The following GALNT10 variants were observed in gnomAD, a reference collection of about 807,000 sequenced individuals.
GALNT10 encodes polypeptide N-acetylgalactosaminyltransferase 10.
Under a neutral mutation model 75.0 loss-of-function variants are expected in GALNT10, and 41 were observed. The ratio of observed to expected loss-of-function variants is 0.55; its 90% CI spans 0.43 to 0.71. GALNT10 has a LOEUF of 0.71. Among genes scored for constraint, GALNT10 ranks in the 30% least tolerant of loss-of-function variants. The pLI, the probability that GALNT10 is intolerant of heterozygous loss-of-function variation, is 0.00. For missense variants in GALNT10, 727 were observed against 818.5 expected (o/e 0.89, Z 1.36); for synonymous variants, 302 against 313.0 (o/e 0.96, Z 0.37).
chr5:154,259,477 C>G (rs1753665674), intron 1 of GALNT10, among the ~76,000 whole-genome samples: 1 of 152,140 alleles, frequency 6.6e-6, no homozygotes, highest in Admixed American at 6.6e-5. Flanking sequence ...TAATAGGTAT[C>G]TTTTTTGGAG....
intron 1 of GALNT10, among the ~76,000 whole-genome samples, chr5:154,265,240 G>T (rs556198891): frequency 4.3e-4 from 65 of 152,292 alleles, no homozygotes; most frequent in African/African-American, 1.5e-3. Context: ...GTGTCATGCA[G>T]TCTTGAAGGA....
chr5:154,200,559 A>G (rs1775011601), intron 1 of GALNT10, among the ~76,000 whole-genome samples: 1 of 150,348 alleles, frequency 6.7e-6, no homozygotes, highest in African/African-American at 2.4e-5. Context: ...AGCTGCTGAG[A>G]GTTAAAATGT....
intron 3 of GALNT10, among the ~76,000 whole-genome samples, chr5:154,313,774 A>G (rs11747558): frequency 0.29 from 43,418 of 151,872 alleles, 6,687 homozygotes; most frequent in African/African-American, 0.39. Flanking sequence ...CTGAGCCTTG[A>G]GCTGAGGAAA....
At chr5:154,287,264 G>C (rs944001359) in intron 1 of GALNT10, among the ~76,000 whole-genome samples, 4 of 152,200 alleles carry the variant, frequency 2.6e-5, no homozygotes, top group Admixed American at 2.6e-4. Flanking sequence ...TTCTGGTCCA[G>C]ACTTCCTTCC....
At chr5:154,309,188 G>T (rs765229513) in intron 3 of GALNT10, among the ~76,000 whole-genome samples, 5 of 152,180 alleles carry the variant, frequency 3.3e-5, no homozygotes, top group African/African-American at 4.8e-5. Context: ...AGTTGACCAG[G>T]GGAAGAGCAC....
At chr5:154,292,382 T>G (rs1018739526) in intron 1 of GALNT10, among the ~76,000 whole-genome samples, 1 of 152,202 alleles carries the variant, frequency 6.6e-6, no homozygotes, top group African/African-American at 2.4e-5. Context: ...GATACAACAC[T>G]TTGAACACCA....
intron 1 of GALNT10, chr5:154,287,655 T>G (rs1754131744): frequency 6.6e-6 from 1 of 152,254 alleles, no homozygotes; most frequent in African/African-American, 2.4e-5. Flanking sequence ...GTGGAGGCCA[T>G]GGACTACCTT....
At chr5:154,292,976 T>G (rs937205467) in intron 1 of GALNT10, among the ~76,000 whole-genome samples, 3 of 124,286 alleles carry the variant, frequency 2.4e-5, no homozygotes, top group Non-Finnish European at 5.3e-5. Flanking sequence ...GTTTTTGTAG[T>G]TTTTTTTTCC....
At chr5:154,301,420 T>G (rs1269962159) in intron 3 of GALNT10, among the ~76,000 whole-genome samples, 1 of 152,158 alleles carries the variant, frequency 6.6e-6, no homozygotes, top group African/African-American at 2.4e-5. Context: ...TATATAATGA[T>G]TGTATATATT....
chr5:154,266,046 A>G (rs996576859), intron 1 of GALNT10, among the ~76,000 whole-genome samples: 32 of 152,220 alleles, frequency 2.1e-4, no homozygotes, highest in African/African-American at 7.2e-4. Context: ...TGTGGGATGT[A>G]TAGAATGTTT....
intron 1 of GALNT10, among the ~76,000 whole-genome samples, chr5:154,231,921 C>A (rs1380475827): frequency 6.6e-6 from 1 of 152,160 alleles, no homozygotes; most frequent in Non-Finnish European, 1.5e-5. Context: ...TGCATACAGT[C>A]CAGTTGTGGA....
At chr5:154,411,232 T>G (rs1756391259) in intron 9 of GALNT10, among the ~76,000 whole-genome samples, 1 of 152,246 alleles carries the variant, frequency 6.6e-6, no homozygotes, top group African/African-American at 2.4e-5. Context: ...GATCCAGGGC[T>G]TCAAATGATG....
chr5:154,397,606 T>C (rs896724037), intron 7 of GALNT10, among the ~76,000 whole-genome samples: 2 of 152,236 alleles, frequency 1.3e-5, no homozygotes, highest in Non-Finnish European at 2.9e-5. Flanking sequence ...TGCTACCCTA[T>C]GTGCCTCCTA....
chr5:154,317,578 C>T (rs1032743173), intron 3 of GALNT10, among the ~76,000 whole-genome samples: 1 of 152,192 alleles, frequency 6.6e-6, no homozygotes, highest in African/African-American at 2.4e-5. Context: ...CTATAGCAGA[C>T]AGAACCTGCC....
intron 1 of GALNT10, among the ~76,000 whole-genome samples, chr5:154,209,685 C>T (rs1325209550): frequency 1.3e-5 from 2 of 152,194 alleles, no homozygotes; most frequent in African/African-American, 4.8e-5. Context: ...TTCACGATGG[C>T]TCCACCTTCA....
At chr5:154,251,391 G>C (rs1753522090) in intron 1 of GALNT10, among the ~76,000 whole-genome samples, 1 of 152,008 alleles carries the variant, frequency 6.6e-6, no homozygotes, top group African/African-American at 2.4e-5. Context: ...TTTATCTGTT[G>C]AACAACACAG....
chr5:154,294,909 C>T lies in GALNT10; in HGVS notation c.253C>T (p.Gln85Ter). ...HDKEAIRRDA[Q>*]RVGNGEQGRP... ...CAAGGAGGCCATCCGGAGGGACGCT[C>T]AGCGCGTAGGTACGGAGGGCAGGAT... The change falls in exon 2 of 12, where the codon CAG becomes TAG. Residue 85 changes from glutamine to a stop codon, truncating the protein, a stop_gained. Coordinates refer to ENST00000297107, the MANE Select transcript of GALNT10 (RefSeq NM_198321.4). LOFTEE classifies it high-confidence loss of function. The T allele has an allele frequency of 6.5e-7, 1 of 1,539,492 alleles. No individual in the cohort carries two copies. The highest frequency in any genetic ancestry group is 9.0e-7 in the Non-Finnish European group (1 of 1,111,840).
chr5:154,417,123 G>A lies in GALNT10; in HGVS notation c.*151G>A. 1 of 665,128 alleles carries A rather than the reference G, an allele frequency of 1.5e-6. No homozygotes were observed. The highest frequency in any genetic ancestry group is 2.6e-5 in the East Asian group (1 of 37,908). The allele number at this position is 665,128 out of a possible 1,614,324, so 41.2% of individuals were successfully genotyped here. ...GAGGGCTCTTGATTCAGGGGCTGGG[G>A]TCTGCCTGGTCCTTGAGCCCCTGAG... On this transcript the variant is annotated 3_prime_UTR_variant, in exon 12 of 12. Transcript: ENST00000297107.
intron 1 of GALNT10, among the ~76,000 whole-genome samples, chr5:154,218,536 A>C (rs1393886571): frequency 1.3e-5 from 2 of 152,194 alleles, no homozygotes; most frequent in East Asian, 3.9e-4. Flanking sequence ...AGTGTTGTAA[A>C]ATGTAGAGTG....
Sources: allele counts gnomAD v4.1 joint callset (sites outside exome capture counted in the v4.1 genomes callset), GRCh38; gene constraint gnomAD v4.1.1; transcripts MANE v1.5; gene names NCBI Gene and HGNC (gene_info 2026-07-23, HGNC 2026-07-21).